The following PITPNM2 variants were observed in gnomAD, a reference collection of about 807,000 sequenced individuals.
PITPNM2 encodes phosphatidylinositol transfer protein membrane associated 2.
A neutral mutation model predicts 132.2 loss-of-function variants in PITPNM2; 35 were observed. The ratio of observed to expected loss-of-function variants is 0.26; its 90% CI spans 0.20 to 0.35. The LOEUF (loss-of-function observed/expected upper bound fraction) is 0.35. PITPNM2 is among the 10% of genes least tolerant of loss of function. The pLI is 1.00. For missense variants in PITPNM2, 1,332 were observed against 1,912.0 expected (o/e 0.70, Z 5.66); for synonymous variants, 738 against 799.2 (o/e 0.92, Z 1.29).
intron 3 of PITPNM2, among the ~76,000 whole-genome samples, chr12:123,014,901 A>G (rs919589394): frequency 6.6e-5 from 10 of 152,250 alleles, no homozygotes; most frequent in African/African-American, 2.4e-4. Flanking sequence ...ATAGAAATGA[A>G]CAATGTCAAA....
At position 122,995,663 on chromosome 12, in the gene PITPNM2, G is replaced by A. The variant is rs1205888496; in HGVS notation, c.1783-3C>T. 4.4e-6 allele frequency: 7 copies of A among 1,586,154 alleles called. No homozygotes were observed. In the African/African-American group the frequency reaches 8.0e-5, roughly 18 times the overall value. On this transcript the variant is annotated splice_region_variant and splice_polypyrimidine_tract_variant and intron_variant, in intron 13 of 25. Transcript: ENST00000320201. ...CCCGGGGACAGCAGGTCATTGTCCT[G>A]GAACGGCCCCGTGGAGGCTCACTGC...
At chr12:123,033,686 G>A (rs917945170) in intron 3 of PITPNM2, among the ~76,000 whole-genome samples, 1 of 152,164 alleles carries the variant, frequency 6.6e-6, no homozygotes, top group African/African-American at 2.4e-5. Context: ...CTTCCTGTCT[G>A]TAGAATGGGG....
Position 123,005,137 on chromosome 12 carries a change from C to A in PITPNM2, c.952+103G>T. ...CCCTCTGGGCTTGGTGCCTCAATGT[C>A]CATGGGAAAGAACTCTGAGGAGGTG... On this transcript the variant is annotated intron_variant, in intron 7 of 25. Transcript: ENST00000320201. This position sits in a 1 kb window ranked among gnomAD's most constrained non-coding sequence, Gnocchi z 6.2. 15 of 1,384,810 alleles carry A rather than the reference C, an allele frequency of 1.1e-5. No homozygotes were observed. The highest frequency in any genetic ancestry group is 1.4e-5 in the Non-Finnish European group (14 of 1,012,438). The allele number at this position is 1,384,810 out of a possible 1,614,324, so 85.8% of individuals were successfully genotyped here. A position where few individuals can be genotyped will look rare whatever the true frequency, so the allele number is the denominator to read the frequency against.
chr12:123,010,568 G>A (rs1473611642), intron 5 of PITPNM2: 5 of 158,236 alleles, frequency 3.2e-5, no homozygotes, highest in Non-Finnish European at 7.1e-5. Flanking sequence ...GTTTCAGCCA[G>A]AGGGGTGGAA....
In PITPNM2 at chr12:122,994,479, A is replaced by T. The variant is rs2038331400; in HGVS notation, c.2233+322T>A. On this transcript the variant is annotated intron_variant, in intron 15 of 25. Coordinates refer to ENST00000320201, the MANE Select transcript of PITPNM2 (RefSeq NM_020845.3). The surrounding 1 kb of genome is among the most constrained non-coding windows in gnomAD (Gnocchi z 5.4). ...ATCTCTCCCTATGGGAGGACCTTGG[A>T]CCTGGGAGGCTGGGTCTGTCTCCAT... Among the ~76,000 whole-genome samples the T allele has an allele frequency of 6.6e-6, 1 of 151,984 alleles. No homozygotes were observed. The highest frequency in any genetic ancestry group is 2.1e-4 in the South Asian group (1 of 4,812).
rs1467599404 is a variant in PITPNM2, at chr12:123,032,509, A to AAACAAACAAACAAAC, written c.78+2003_78+2004insGTTTGTTTGTTTGTT. ...ACAAACAAACAAACAAACAAACAAA[A>AAACAAACAAACAAAC]ACCTGGAGTGACAGGTGTTTTGAGG... On this transcript the variant is annotated intron_variant, in intron 3 of 25. Coordinates refer to ENST00000320201, the MANE Select transcript of PITPNM2 (RefSeq NM_020845.3). 3.0e-5 allele frequency among the ~76,000 whole-genome samples: 4 copies of AAACAAACAAACAAAC among 135,160 alleles called. No homozygotes were observed. In the East Asian group the frequency reaches 6.7e-4, roughly 23 times the overall value. 88.7% of individuals were successfully genotyped at this position (135,160 alleles called of 152,430 possible).
At chr12:123,100,308 G>A (rs898256682) in intron 2 of PITPNM2, among the ~76,000 whole-genome samples, 1 of 152,198 alleles carries the variant, frequency 6.6e-6, no homozygotes, top group Non-Finnish European at 1.5e-5. Context: ...ATGTGCACAA[G>A]AGAAATGAAA....
rs147222131 is a variant in PITPNM2, at chr12:122,990,620, G to T, written c.2494C>A (p.Arg832=). 8 of 1,611,372 alleles carry T rather than the reference G, an allele frequency of 5.0e-6. No individual in the cohort carries two copies. The highest frequency in any genetic ancestry group is 6.8e-6 in the Non-Finnish European group (8 of 1,179,864). Residue 832 remains arginine, a synonymous_variant, in exon 17 of 26, where the codon CGA becomes AGA. Transcript: ENST00000320201. ...CTGGCGATGCTGATCTCACTGGCTC[G>T]GCGGAAGCCACGACTGGCAGGGGCA... The part of the protein sequence containing the change: ...GTAPASRGFR[R]ASEISIASQV...
In PITPNM2 at chr12:123,078,643, C is replaced by G. The variant is rs1484453986; in HGVS notation, c.-96+31742G>C. On this transcript the variant is annotated intron_variant, in intron 2 of 25. Transcript: ENST00000320201. The surrounding 1 kb of genome is among the most constrained non-coding windows in gnomAD (Gnocchi z 7.3). ...TCCCACCCTCAGGGATAAGGGGATA[C>G]CCACCTATGGAAGGGCTCCGATGGC... Among the ~76,000 whole-genome samples, 1 of 152,230 alleles carries G rather than the reference C, an allele frequency of 6.6e-6. No homozygotes were observed. Among genetic ancestry groups the G allele is most frequent in the Admixed American group, 6.5e-5 (1 of 15,288 alleles).
chr12:123,016,397 T>G (rs928645447), intron 3 of PITPNM2, among the ~76,000 whole-genome samples: 8 of 150,356 alleles, frequency 5.3e-5, no homozygotes, highest in Non-Finnish European at 1.2e-4. Context: ...CTCACTGCAA[T>G]CTCCGCCTCC....
rs1296959078 is a variant in PITPNM2 at position 123,036,034 on chromosome 12, A to G, written c.-95-1349T>C. Among the ~76,000 whole-genome samples, 1 of 152,064 alleles carries G rather than the reference A, an allele frequency of 6.6e-6. No individual in the cohort carries two copies. Among genetic ancestry groups the G allele is most frequent in the Non-Finnish European group, 1.5e-5 (1 of 68,016 alleles). On this transcript the variant is annotated intron_variant, in intron 2 of 25. Transcript: ENST00000320201. This position sits in a 1 kb window ranked among gnomAD's most constrained non-coding sequence, Gnocchi z 4.1. ...CCACCCACACCCGGCTAACGGTAGT[A>G]TTTTAGCAAGACTACTCCAAGGACA...
intron 2 of PITPNM2, among the ~76,000 whole-genome samples, chr12:123,080,912 C>G (rs755103890): frequency 6.6e-6 from 1 of 152,276 alleles, no homozygotes; most frequent in Admixed American, 6.5e-5. Context: ...TCCAGTGCAG[C>G]TGCCGTGACC....
intron 2 of PITPNM2, among the ~76,000 whole-genome samples, chr12:123,079,285 G>A (rs1170491997): frequency 1.3e-5 from 2 of 151,416 alleles, no homozygotes; most frequent in Non-Finnish European, 2.9e-5. Flanking sequence ...CTAAGTTGGG[G>A]CACAGCCCAA....
intron 1 of PITPNM2, among the ~76,000 whole-genome samples, chr12:123,132,885 A>G (rs2043299230): frequency 6.6e-6 from 1 of 152,228 alleles, no homozygotes; most frequent in Non-Finnish European, 1.5e-5. Flanking sequence ...ATGCTGACAC[A>G]TATTGTTTGA....
intron 1 of PITPNM2, among the ~76,000 whole-genome samples, chr12:123,147,491 T>G (rs2043641853): frequency 6.6e-6 from 1 of 152,118 alleles, no homozygotes; most frequent in South Asian, 2.1e-4. Flanking sequence ...TTTAATTCAC[T>G]TATCCATACA....
Position 122,988,905 on chromosome 12 carries a change from G to C in PITPNM2, c.2732-33C>G, listed in dbSNP as rs537178791. 5.2e-6 allele frequency: 8 copies of C among 1,524,914 alleles called. No individual in the cohort carries two copies. The East Asian group carries it at 1.7e-4, about 33-fold the overall frequency. The allele number at this position is 1,524,914 out of a possible 1,614,324, so 94.5% of individuals were successfully genotyped here. On this transcript the variant is annotated intron_variant, in intron 18 of 25. Coordinates refer to ENST00000320201, the MANE Select transcript of PITPNM2 (RefSeq NM_020845.3). Reference sequence around the variant, plus strand: ...GAGGGGCCGTGACTGGGCTGGGGCTGTATAGCCCCAGACAGGGACCCCGAA... The same window carrying C: ...GAGGGGCCGTGACTGGGCTGGGGCTCTATAGCCCCAGACAGGGACCCCGAA...
In PITPNM2 at chr12:122,986,256, C is replaced by T. The variant is rs1021865340; in HGVS notation, c.3821G>A (p.Arg1274His). Residue 1274 changes from arginine to histidine, a missense_variant, in exon 26 of 26, where the codon CGC becomes CAC. By Grantham distance (29) the Arg-to-His change is conservative (BLOSUM62 0). This residue lies in a region of PITPNM2 where 163 missense variants were observed against 177.2 expected (regional missense o/e 0.92). Transcript: ENST00000320201. ...ARNTATRMAL[R>H]KGSFGLPGQG... ...GCCGGGCAGGCCGAAGCTGCCCTTG[C>T]GCAGCGCCATGCGGGTGGCCGTGTT... 3.8e-6 allele frequency: 6 copies of T among 1,580,588 alleles called. No individual in the cohort carries two copies. The highest frequency in any genetic ancestry group is 1.8e-5 in the Admixed American group (1 of 54,978).
chr12:123,057,119 G>A (rs942830017), intron 2 of PITPNM2, among the ~76,000 whole-genome samples: 9 of 152,142 alleles, frequency 5.9e-5, no homozygotes, highest in African/African-American at 2.2e-4. Context: ...GGTGGTTCAC[G>A]CCTGCAATCC....
At chr12:123,125,402 C>T (rs983203310) in intron 1 of PITPNM2, among the ~76,000 whole-genome samples, 3 of 152,168 alleles carry the variant, frequency 2.0e-5, no homozygotes, top group Admixed American at 1.3e-4. Flanking sequence ...CAGACTCAGT[C>T]ATATCAAAGG....
Sources: allele counts gnomAD v4.1 joint callset (sites outside exome capture counted in the v4.1 genomes callset), GRCh38; gene constraint gnomAD v4.1.1; regional missense constraint gnomAD v4.1.1; non-coding constraint Gnocchi (gnomAD v3.1); transcripts MANE v1.5; gene names NCBI Gene and HGNC (gene_info 2026-07-23, HGNC 2026-07-21).